B3GNT8: variants seen among roughly 807,000 people sequenced by gnomAD.
The protein encoded by B3GNT8 is N-acetyllactosaminide beta-1,3-N-acetylglucosaminyltransferase 8.
For synonymous variants in B3GNT8, 258 were observed against 238.3 expected (o/e 1.08, Z -0.76); for missense variants, 502 against 530.5 (o/e 0.95, Z 0.53).
upstream of B3GNT8, chr19:41,428,647 C>T (rs956192557): frequency 1.3e-5 from 2 of 152,436 alleles, no homozygotes; most frequent in Admixed American, 1.3e-4. The surrounding 1 kb of genome is among the most constrained non-coding windows in gnomAD (Gnocchi z 6.1). Flanking sequence ...AGTCTGTCAG[C>T]AGCAGCAGTT....
chr19:41,425,466 T>G lies in B3GNT8; in HGVS notation c.*119A>C. ...GGCTGGGGGAGGCCAAGGAGTGGCT[T>G]AAGTTGTCCAGCTTCTGGGCCCTCC... On this transcript the variant is annotated 3_prime_UTR_variant, in exon 2 of 2. Transcript: ENST00000691102. 1.3e-6 allele frequency: 1 copy of G among 794,530 alleles called. No homozygotes were observed. Among genetic ancestry groups the G allele is most frequent in the Non-Finnish European group, 1.8e-6 (1 of 555,802 alleles). 49.2% of individuals were successfully genotyped at this position (794,530 alleles called of 1,614,324 possible). A position where few individuals can be genotyped will look rare whatever the true frequency, so the allele number is the denominator to read the frequency against.
In B3GNT8 at chr19:41,425,939, G is replaced by T. The variant is rs757094304; in HGVS notation, c.840C>A (p.Ala280=). 3 of 1,613,182 alleles carry T rather than the reference G, an allele frequency of 1.9e-6. No homozygotes were observed. In the African/African-American group the frequency reaches 4.0e-5, roughly 22 times the overall value. ...GTCCTCCTGGCTTCCGGAGAGGCAT[G>T]GCCTGGGTAAAGACCTCACCCAGGT... ...SLYLGEVFTQ[A]MPLRKPGGPF... The change falls in exon 2 of 2, where the codon GCC becomes GCA. Residue 280 remains alanine, a synonymous_variant. Coordinates refer to ENST00000691102, the MANE Select transcript of B3GNT8 (RefSeq NM_001385648.2).
In B3GNT8 at chr19:41,426,114, G is replaced by T; in HGVS notation, c.665C>A (p.Thr222Lys). ...WDFLDVPFNQ[T>K]LKDLLLLAWL... ...GGCCAGCAGCAGCAGGTCTTTGAGC[G>T]TCTGGTTGAATGGGACGTCGAGGAA... is the stretch of plus-strand genomic sequence containing the variant. Residue 222 changes from threonine (T) to lysine (K), a missense_variant, in exon 2 of 2, where the codon ACG (threonine) becomes AAG (lysine). Thr to Lys is a moderately conservative substitution (Grantham distance 78, BLOSUM62 -1). Coordinates refer to ENST00000691102, the MANE Select transcript of B3GNT8 (RefSeq NM_001385648.2). The surrounding 1 kb of genome is among the most constrained non-coding windows in gnomAD (Gnocchi z 4.9). 1 of 1,613,778 alleles carries T rather than the reference G, an allele frequency of 6.2e-7. No homozygotes were observed. Among genetic ancestry groups the T allele is most frequent in the Non-Finnish European group, 8.5e-7 (1 of 1,179,990 alleles).
Position 41,426,894 on chromosome 19 carries a change from A to G in B3GNT8, c.-32-84T>C. 6.8e-6 allele frequency: 7 copies of G among 1,033,492 alleles called. No homozygotes were observed. Among genetic ancestry groups the G allele is most frequent in the Non-Finnish European group, 1.0e-5 (7 of 694,726 alleles). The allele number at this position is 1,033,492 out of a possible 1,614,324, so 64.0% of individuals were successfully genotyped here. A position where few individuals can be genotyped will look rare whatever the true frequency, so the allele number is the denominator to read the frequency against. ...GAGAGGGCCCAGCCAGGCCCCAGGC[A>G]GACAGCTTCACAATCTCCCATAGTC... On this transcript the variant is annotated intron_variant, in intron 1 of 1. Coordinates refer to ENST00000691102, the MANE Select transcript of B3GNT8 (RefSeq NM_001385648.2). This position sits in a 1 kb window ranked among gnomAD's most constrained non-coding sequence, Gnocchi z 4.9.
Position 41,425,671 on chromosome 19 carries a change from G to T in B3GNT8, c.1108C>A (p.Arg370Ser). 6.5e-7 allele frequency: 1 copy of T among 1,529,376 alleles called. No homozygotes were observed. The highest frequency in any genetic ancestry group is 2.3e-5 in the East Asian group (1 of 43,970). 94.7% of individuals were successfully genotyped at this position (1,529,376 alleles called of 1,614,324 possible). ...ADRTADHCAFRNLLLVRPLGP... is the reference protein window; with the variant it reads ...ADRTADHCAFSNLLLVRPLGP... ...AGGGGCCGTACCAGCAGCAGGTTGCGGAAAGCACAGTGGTCCGCAGTGCGG... is the reference window on the plus strand; with the variant it reads ...AGGGGCCGTACCAGCAGCAGGTTGCTGAAAGCACAGTGGTCCGCAGTGCGG... Residue 370 changes from arginine to serine, a missense_variant, in exon 2 of 2, where the codon CGC becomes AGC. By Grantham distance (110) the Arg-to-Ser change is moderately radical (BLOSUM62 -1). Coordinates refer to ENST00000691102, the MANE Select transcript of B3GNT8 (RefSeq NM_001385648.2).
At position 41,426,704 on chromosome 19, in the gene B3GNT8, C is replaced by G. The variant is rs1398859287; in HGVS notation, c.75G>C (p.Trp25Cys). ...CCTTGCTGAGCCGGGACTCGGATGT[C>G]CACTCGATGTACACTTTGAGGCCCA... ...TLLGLKVYIE[W>C]TSESRLSKAY... is the part of the protein sequence containing the mutation. The change falls in exon 2 of 2, where the codon TGG (tryptophan) becomes TGC (cysteine). Residue 25 changes from tryptophan to cysteine, a missense_variant. By Grantham distance (215) the Trp-to-Cys change is radical (BLOSUM62 -2). Coordinates refer to ENST00000691102, the MANE Select transcript of B3GNT8 (RefSeq NM_001385648.2). The surrounding 1 kb of genome is among the most constrained non-coding windows in gnomAD (Gnocchi z 4.9). 1 of 1,613,558 alleles carries G rather than the reference C, an allele frequency of 6.2e-7. No homozygotes were observed. The highest frequency in any genetic ancestry group is 2.2e-5 in the East Asian group (1 of 44,884).
chr19:41,425,437 CCCTGGCTGGGGG>C lies in B3GNT8; in HGVS notation c.*136_*147del. On this transcript the variant is annotated 3_prime_UTR_variant, in exon 2 of 2. Coordinates refer to ENST00000691102, the MANE Select transcript of B3GNT8 (RefSeq NM_001385648.2). ...ACCACCCCATCTTTCCTGCCCAGGC[CCCTGGCTGGGGG>C]AGGCCAAGGAGTGGCTTAAGTTGTC... is the stretch of plus-strand genomic sequence containing the variant. The C allele has an allele frequency of 1.8e-6, 1 of 560,596 alleles. No individual in the cohort carries two copies. Among genetic ancestry groups the C allele is most frequent in the South Asian group, 6.4e-5 (1 of 15,746 alleles). The allele number at this position is 560,596 out of a possible 1,614,324, so 34.7% of individuals were successfully genotyped here.
rs2039426216 is a variant in B3GNT8 at position 41,425,837 on chromosome 19, C to CCCGGCAATGACGTAGCCACCCCCGCTTG, written c.914_941dup (p.Arg315LysfsTer28). Reference sequence around the variant, plus strand: ...CCCGCAGCAGCCAGGGTGCCAGGCGCCCGGCAATGACGTAGCCACCCCCGC... The same window carrying CCCGGCAATGACGTAGCCACCCCCGCTTG: ...CCCGCAGCAGCCAGGGTGCCAGGCGCCCGGCAATGACGTAGCCACCCCCGCTTGCCGGCAATGACGTAGCCACCCCCGC... On this transcript the variant is annotated frameshift_variant, in exon 2 of 2. Coordinates refer to ENST00000691102, the MANE Select transcript of B3GNT8 (RefSeq NM_001385648.2). LOFTEE classifies it low-confidence loss of function (END_TRUNC). 2 of 1,612,954 alleles carry CCCGGCAATGACGTAGCCACCCCCGCTTG rather than the reference C, an allele frequency of 1.2e-6. No homozygotes were observed. The highest frequency in any genetic ancestry group is 1.7e-6 in the Non-Finnish European group (2 of 1,179,972).
Position 41,425,666 on chromosome 19 carries a change from GTT to G in B3GNT8, c.1111_1112del (p.Asn371ProfsTer95). The G allele has an allele frequency of 6.5e-7, 1 of 1,527,646 alleles. No homozygotes were observed. Among genetic ancestry groups the G allele is most frequent in the Non-Finnish European group, 8.8e-7 (1 of 1,138,684 alleles). The allele number at this position is 1,527,646 out of a possible 1,614,324, so 94.6% of individuals were successfully genotyped here. A position where few individuals can be genotyped will look rare whatever the true frequency, so the allele number is the denominator to read the frequency against. On this transcript the variant is annotated frameshift_variant, in exon 2 of 2. Transcript: ENST00000691102. LOFTEE classifies it high-confidence loss of function. ...DRTADHCAFR[N>X]LLLVRPLGPQ... ...GGCCCAGGGGCCGTACCAGCAGCAG[GTT>G]GCGGAAAGCACAGTGGTCCGCAGTG...
chr19:41,425,714 G>A lies in B3GNT8; in HGVS notation c.1065C>T (p.Leu355=), dbSNP rs1185933567. 1.3e-6 allele frequency: 2 copies of A among 1,574,946 alleles called. No homozygotes were observed. Among genetic ancestry groups the A allele is most frequent in the Non-Finnish European group, 1.7e-6 (2 of 1,160,362 alleles). Residue 355 remains leucine (L), a synonymous_variant, in exon 2 of 2, where the codon CTC becomes CTT. Transcript: ENST00000691102. ...CAGTGCGGTCTGCTGGCCAGGCTGT[G>A]AGGAAGCCTGGGTGGGCCTGGGGCA... ...GLVPQAHPGF[L]TAWPADRTAD... is the part of the protein sequence containing the mutation.
At position 41,426,500 on chromosome 19, in the gene B3GNT8, G is replaced by GC. The variant is rs1331719876; in HGVS notation, c.278dup (p.Cys94LeufsTer14). Reference sequence around the variant, plus strand: ...CGGCGGCGGCCCCCCAAGCCTGGCAGCCCCCCGTTTCAGTGCTGTCCCCAC... The same window carrying GC: ...CGGCGGCGGCCCCCCAAGCCTGGCAGCCCCCCCGTTTCAGTGCTGTCCCCAC... On this transcript the variant is annotated frameshift_variant, in exon 2 of 2. Transcript: ENST00000691102. LOFTEE classifies it low-confidence loss of function (END_TRUNC). The surrounding 1 kb of genome is among the most constrained non-coding windows in gnomAD (Gnocchi z 4.9). 6.3e-7 allele frequency: 1 copy of GC among 1,597,068 alleles called. No homozygotes were observed.
In B3GNT8 at chr19:41,426,805, CG is replaced by C; in HGVS notation, c.-28del. 6.2e-7 allele frequency: 1 copy of C among 1,603,502 alleles called. No individual in the cohort carries two copies. On this transcript the variant is annotated 5_prime_UTR_variant, in exon 2 of 2. Coordinates refer to ENST00000691102, the MANE Select transcript of B3GNT8 (RefSeq NM_001385648.2). This position sits in a 1 kb window ranked among gnomAD's most constrained non-coding sequence, Gnocchi z 4.9. ...ACCCGGCCCAGGGAAGGGGCGGCCG[CG>C]GGAGCTACAAGGGAGCCACAGGGGA... is the stretch of plus-strand genomic sequence containing the variant.
chr19:41,428,063 TAAG>T (rs1342901326), upstream of B3GNT8, among the ~76,000 whole-genome samples: 1 of 150,026 alleles, frequency 6.7e-6, no homozygotes, highest in Non-Finnish European at 1.5e-5. This position sits in a 1 kb window ranked among gnomAD's most constrained non-coding sequence, Gnocchi z 6.1. Flanking sequence ...GCGAGAAAGA[TAAG>T]GGGTTGCGGA....
At position 41,425,850 on chromosome 19, in the gene B3GNT8, T is replaced by C. The variant is rs1202279091; in HGVS notation, c.929A>G (p.Tyr310Cys). Residue 310 changes from tyrosine to cysteine, a missense_variant, in exon 2 of 2, where the codon TAC becomes TGC. Physicochemically the swap from Tyr to Cys is radical, Grantham distance 194. Coordinates refer to ENST00000691102, the MANE Select transcript of B3GNT8 (RefSeq NM_001385648.2). ...GGGTGCCAGGCGCCCGGCAATGACGTAGCCACCCCCGCTTGCATAGGCTGG... is the reference window on the plus strand; with the variant it reads ...GGGTGCCAGGCGCCCGGCAATGACGCAGCCACCCCCGCTTGCATAGGCTGG... ...GYPAYASGGG[Y>C]VIAGRLAPWL... The C allele has an allele frequency of 1.2e-6, 2 of 1,613,034 alleles. No individual in the cohort carries two copies. Among genetic ancestry groups the C allele is most frequent in the Admixed American group, 1.7e-5 (1 of 60,026 alleles).
At position 41,425,552 on chromosome 19, in the gene B3GNT8, C is replaced by T. The variant is rs765406345; in HGVS notation, c.*33G>A. ...CAGGGGCCGGCCCCAGAGGCCCAGGCCAGGTCAGCACCTCCGCCCTCCCCA... is the reference window on the plus strand; with the variant it reads ...CAGGGGCCGGCCCCAGAGGCCCAGGTCAGGTCAGCACCTCCGCCCTCCCCA... On this transcript the variant is annotated 3_prime_UTR_variant, in exon 2 of 2. Coordinates refer to ENST00000691102, the MANE Select transcript of B3GNT8 (RefSeq NM_001385648.2). The T allele has an allele frequency of 2.1e-6, 3 of 1,455,490 alleles. No individual in the cohort carries two copies. Among genetic ancestry groups the T allele is most frequent in the Admixed American group, 2.5e-5 (1 of 40,182 alleles). 90.2% of individuals were successfully genotyped at this position (1,455,490 alleles called of 1,614,324 possible). A position where few individuals can be genotyped will look rare whatever the true frequency, so the allele number is the denominator to read the frequency against.
At chr19:41,427,424 G>A (rs938812926), upstream of B3GNT8, 12 of 157,238 alleles carry the variant, frequency 7.6e-5, no homozygotes, top group African/African-American at 1.2e-4. The surrounding 1 kb of genome is among the most constrained non-coding windows in gnomAD (Gnocchi z 5.6). Flanking sequence ...GGGGCGGGGA[G>A]GGGAGTGGAG....
In B3GNT8 at chr19:41,426,181, C is replaced by T. The variant is rs1226227341; in HGVS notation, c.598G>A (p.Ala200Thr). Reference sequence around the variant, plus strand: ...TCACTGTAGCGACGGCTCTCCCAGGCCACTAGTGAGTCTAGGTCAGGCCCC... The same window carrying T: ...TCACTGTAGCGACGGCTCTCCCAGGTCACTAGTGAGTCTAGGTCAGGCCCC... ...EAGPDLDSLV[A>T]WESRRYSDLL... The change falls in exon 2 of 2, where the codon GCC becomes ACC. Residue 200 changes from alanine to threonine, a missense_variant. Ala to Thr is a moderately conservative substitution (Grantham distance 58). Transcript: ENST00000691102. The surrounding 1 kb of genome is among the most constrained non-coding windows in gnomAD (Gnocchi z 4.9). 6.2e-7 allele frequency: 1 copy of T among 1,613,802 alleles called. No homozygotes were observed. Among genetic ancestry groups the T allele is most frequent in the Admixed American group, 1.7e-5 (1 of 60,026 alleles).
chr19:41,426,579 G>C lies in B3GNT8; in HGVS notation c.200C>G (p.Pro67Arg). 6.2e-7 allele frequency: 1 copy of C among 1,607,702 alleles called. No homozygotes were observed. Among genetic ancestry groups the C allele is most frequent in the Non-Finnish European group, 8.5e-7 (1 of 1,176,924 alleles). Residue 67 changes from proline (P) to arginine (R), a missense_variant, in exon 2 of 2, where the codon CCG becomes CGG. By Grantham distance (103) the Pro-to-Arg change is moderately radical (BLOSUM62 -2). Coordinates refer to ENST00000691102, the MANE Select transcript of B3GNT8 (RefSeq NM_001385648.2). This position sits in a 1 kb window ranked among gnomAD's most constrained non-coding sequence, Gnocchi z 4.9. The part of the protein sequence containing the change: ...NLSTRLGQTI[P>R]LPFAYWNQQQ... ...CTGGTTCCAGTAAGCAAAGGGCAGCGGGATAGTCTGGCCCAGGCGGGTGGA... is the reference window on the plus strand; with the variant it reads ...CTGGTTCCAGTAAGCAAAGGGCAGCCGGATAGTCTGGCCCAGGCGGGTGGA...
chr19:41,428,542 A>T (rs1291451582), upstream of B3GNT8: 1 of 152,430 alleles, frequency 6.6e-6, no homozygotes, highest in Non-Finnish European at 1.5e-5. This position sits in a 1 kb window ranked among gnomAD's most constrained non-coding sequence, Gnocchi z 6.1. Context: ...CTCCCAAGAC[A>T]TGGGGTAAGA....
Sources: gnomAD v4.1 joint callset for allele counts (sites outside exome capture counted in the v4.1 genomes callset) on GRCh38, gnomAD v4.1.1 for gene constraint, Gnocchi (gnomAD v3.1) non-coding constraint, MANE v1.5 for transcripts, NCBI Gene and HGNC (gene_info 2026-07-23, HGNC 2026-07-21) for gene names.